Variants in PSMD5 observed in about 807,000 individuals in gnomAD.
The protein encoded by PSMD5 is 26S proteasome non-ATPase regulatory subunit 5.
In PSMD5, 40 loss-of-function variants were observed where a neutral mutation model predicts 52.1. That is an observed-to-expected ratio of 0.77 (90% CI 0.60 to 1.00). The LOEUF (loss-of-function observed/expected upper bound fraction) is 1.00, where lower values mean the gene tolerates loss of function less well. PSMD5 is among the 50% of genes least tolerant of loss of function. PSMD5 has a pLI of 0.00. For synonymous variants in PSMD5, 211 were observed against 226.6 expected (o/e 0.93, Z 0.62); for missense variants, 575 against 605.2 (o/e 0.95, Z 0.52).
At chr9:120,831,151 T>C (rs1206651833) in intron 4 of PSMD5, among the ~76,000 whole-genome samples, 180 bp downstream of exon 4, 1 of 152,188 alleles carries the variant, frequency 6.6e-6, no homozygotes, top group African/African-American at 2.4e-5. Context: ...CCCATAGAGC[T>C]GGGCTGTAAG....
In PSMD5 at chr9:120,826,836, C is replaced by T; in HGVS notation, c.743G>A (p.Gly248Glu). The T allele has an allele frequency of 6.2e-7, 1 of 1,613,048 alleles. No individual in the cohort carries two copies. The highest frequency in any genetic ancestry group is 8.5e-7 in the Non-Finnish European group (1 of 1,179,010). ...HHGRQYLAQE[G>E]VIDQISNIIV... ...TATATTAGAAATTTGGTCAATTACTCCTTCTTGAGCAAGATATTGTCGCCC... is the reference window on the plus strand; with the variant it reads ...TATATTAGAAATTTGGTCAATTACTTCTTCTTGAGCAAGATATTGTCGCCC... Residue 248 changes from glycine to glutamate, a missense_variant, in exon 6 of 10, where the codon GGA (glycine) becomes GAA (glutamate). Transcript: ENST00000210313.
rs2045044600 is a variant in PSMD5 at position 120,816,639 on chromosome 9, C to T, written c.*1267G>A. 1 of 152,108 alleles carries T rather than the reference C, an allele frequency of 6.6e-6. No individual in the cohort carries two copies. The highest frequency in any genetic ancestry group is 2.4e-5 in the African/African-American group (1 of 41,404). 9.4% of individuals were successfully genotyped at this position (152,108 alleles called of 1,614,324 possible). A position where few individuals can be genotyped will look rare whatever the true frequency, so the allele number is the denominator to read the frequency against. On this transcript the variant is annotated 3_prime_UTR_variant, in exon 10 of 10. Transcript: ENST00000210313. ...AGCAGGGGTGGTTTATCAACTTCACCACGGCCTAAAAGAAATATGCTCATG... is the reference window on the plus strand; with the variant it reads ...AGCAGGGGTGGTTTATCAACTTCACTACGGCCTAAAAGAAATATGCTCATG...
chr9:120,829,544 C>T (rs546364790), intron 4 of PSMD5, among the ~76,000 whole-genome samples: 1 of 152,290 alleles, frequency 6.6e-6, no homozygotes, highest in South Asian at 2.1e-4. Flanking sequence ...CAGGCATGCA[C>T]CACCACACCT....
At chr9:120,828,971 A>C (rs1313307690) in intron 5 of PSMD5, 128 bp downstream of exon 5, 12 of 1,249,274 alleles carry the variant, frequency 9.6e-6, no homozygotes, top group Non-Finnish European at 1.0e-6. Flanking sequence ...TCCCTCCTTC[A>C]GGACACACAT....
intron 3 of PSMD5, 45 bp from the exon 4 acceptor site, chr9:120,831,504 T>C: frequency 6.4e-7 from 1 of 1,551,776 alleles, no homozygotes; most frequent in Non-Finnish European, 8.7e-7. Flanking sequence ...AAATGCAGGT[T>C]ATTATCTACT....
chr9:120,831,753 TCAATTCA>T (rs936781376), intron 3 of PSMD5, 72 bp downstream of exon 3: 18 of 1,533,666 alleles, frequency 1.2e-5, no homozygotes, highest in Non-Finnish European at 1.5e-5. Flanking sequence ...CCTTCACCTC[TCAATTCA>T]GAAGGCCTTT....
At chr9:120,836,397 CTTT>C (rs34125901) in intron 1 of PSMD5, among the ~76,000 whole-genome samples, 5 of 135,902 alleles carry the variant, frequency 3.7e-5, no homozygotes, top group African/African-American at 2.7e-5. Context: ...ATCATCTGTA[CTTT>C]TTTTTTTTTT....
intron 1 of PSMD5, among the ~76,000 whole-genome samples, chr9:120,841,078 C>T (rs115864979): frequency 3.3e-3 from 495 of 152,168 alleles, no homozygotes; most frequent in African/African-American, 0.011. Context: ...TCAAACACTA[C>T]GGATGTGTAA....
chr9:120,828,230 C>T (rs1564475983), intron 5 of PSMD5, among the ~76,000 whole-genome samples: 1 of 152,100 alleles, frequency 6.6e-6, no homozygotes, highest in Non-Finnish European at 1.5e-5. Flanking sequence ...GAATTCCTGA[C>T]CTCAGGTAAT....
intron 4 of PSMD5, among the ~76,000 whole-genome samples, chr9:120,830,019 C>T (rs1454677124): frequency 1.3e-5 from 2 of 152,084 alleles, no homozygotes; most frequent in African/African-American, 4.8e-5. Flanking sequence ...TGAGTGGAGA[C>T]CAGTTTGGAT....
intron 7 of PSMD5, among the ~76,000 whole-genome samples, chr9:120,823,510 C>CTTTT (rs1263218977): frequency 5.5e-5 from 6 of 108,660 alleles, no homozygotes; most frequent in Admixed American, 1.0e-4. Flanking sequence ...TACCTGGCCT[C>CTTTT]TTTTTTTTTT....
At position 120,824,693 on chromosome 9, in the gene PSMD5, G is replaced by A; in HGVS notation, c.815-8C>T. 2 of 1,583,442 alleles carry A rather than the reference G, an allele frequency of 1.3e-6. No individual in the cohort carries two copies. The highest frequency in any genetic ancestry group is 4.5e-5 in the East Asian group (2 of 44,650). On this transcript the variant is annotated splice_polypyrimidine_tract_variant and splice_region_variant and intron_variant, in intron 6 of 9. Transcript: ENST00000210313. ...CAAAAAACTTCACGAATCCTAAAGA[G>A]ATTTACAAAAATATATTTTAATAGG...
At position 120,821,453 on chromosome 9, in the gene PSMD5, C is replaced by G; in HGVS notation, c.1018G>C (p.Glu340Gln). The G allele has an allele frequency of 6.3e-7, 1 of 1,590,902 alleles. No homozygotes were observed. The highest frequency in any genetic ancestry group is 8.5e-7 in the Non-Finnish European group (1 of 1,170,368). The change falls in exon 8 of 10, where the codon GAA becomes CAA. Residue 340 changes from glutamate (E) to glutamine (Q), a missense_variant. Coordinates refer to ENST00000210313, the MANE Select transcript of PSMD5 (RefSeq NM_005047.4). ...QVLQKTGTRF[E>Q]RLLMRIGHQS... is the part of the protein sequence containing the mutation. ...TGTCCTATTCTCATAAGCAAGCGTT[C>G]AAAGCGAGTTCCTTTGAAGGATAAC...
intron 9 of PSMD5, among the ~76,000 whole-genome samples, chr9:120,820,410 G>A (rs2045075291): frequency 1.3e-5 from 2 of 152,200 alleles, no homozygotes; most frequent in Non-Finnish European, 2.9e-5. Flanking sequence ...CTTGACGAGT[G>A]AGTAAGAGGT....
At chr9:120,820,267 A>G (rs552956458) in intron 9 of PSMD5, among the ~76,000 whole-genome samples, 1 of 152,356 alleles carries the variant, frequency 6.6e-6, no homozygotes, top group South Asian at 2.1e-4. Flanking sequence ...TCACTGTTGT[A>G]TGCCCTTCAC....
chr9:120,825,517 G>T (rs1199652605), intron 6 of PSMD5, among the ~76,000 whole-genome samples: 1 of 152,150 alleles, frequency 6.6e-6, no homozygotes, highest in African/African-American at 2.4e-5. Context: ...TGGGCAGCAT[G>T]AACATTTTAA....
At chr9:120,833,485 T>A in intron 1 of PSMD5, 29 bp from the exon 2 acceptor site, 1 of 1,597,786 alleles carries the variant, frequency 6.3e-7, no homozygotes, top group Non-Finnish European at 8.6e-7. Flanking sequence ...ATCTTATTAG[T>A]TCATATCCTG....
At chr9:120,830,727 A>C (rs1043538858) in intron 4 of PSMD5, among the ~76,000 whole-genome samples, 1 of 152,176 alleles carries the variant, frequency 6.6e-6, no homozygotes, top group African/African-American at 2.4e-5. Flanking sequence ...AACAACATAC[A>C]AAGTTTACTG....
chr9:120,832,693 G>A (rs2045169952), intron 2 of PSMD5, among the ~76,000 whole-genome samples: 2 of 152,244 alleles, frequency 1.3e-5, no homozygotes, highest in Admixed American at 1.3e-4. Flanking sequence ...ACTGTGCCCA[G>A]CGCCCTTTTT....
Sources: gnomAD v4.1 joint callset for allele counts (sites outside exome capture counted in the v4.1 genomes callset) on GRCh38, gnomAD v4.1.1 for gene constraint, MANE v1.5 for transcripts, NCBI Gene and HGNC (gene_info 2026-07-23, HGNC 2026-07-21) for gene names.